TEX10: variants seen among roughly 807,000 people sequenced by gnomAD.
TEX10 encodes testis expressed 10, also known as testis-expressed protein 10.
In TEX10, 24 loss-of-function variants were observed where a neutral mutation model predicts 104.4. The observed-to-expected ratio is 0.23, with a 90% CI of 0.17 to 0.32. TEX10 has a LOEUF of 0.32. Among genes scored for constraint, TEX10 ranks in the 10% least tolerant of loss-of-function variants. The pLI is 1.00. For missense variants in TEX10, 921 were observed against 1,083.9 expected (o/e 0.85, Z 2.11); for synonymous variants, 396 against 393.4 (o/e 1.01, Z -0.08).
chr9:100,346,832 T>C lies in TEX10; in HGVS notation c.755A>G (p.Gln252Arg), dbSNP rs1446429448. The change falls in exon 3 of 15, where the codon CAG becomes CGG. Residue 252 changes from glutamine to arginine, a missense_variant. Gln to Arg is a conservative substitution (Grantham distance 43). Coordinates refer to ENST00000374902, the MANE Select transcript of TEX10 (RefSeq NM_017746.4). ...GGCATGGGGATTTTCTTTCTGTTCCTGAAGTCCTTCACTTTCTCTCAACCT... is the reference window on the plus strand; with the variant it reads ...GGCATGGGGATTTTCTTTCTGTTCCCGAAGTCCTTCACTTTCTCTCAACCT... ...SSRLRESEGL[Q>R]EQKENPHATS... 6.2e-7 allele frequency: 1 copy of C among 1,614,072 alleles called. No individual in the cohort carries two copies. Among genetic ancestry groups the C allele is most frequent in the African/African-American group, 1.3e-5 (1 of 74,940 alleles).
At chr9:100,314,062 T>C (rs1187178561) in intron 11 of TEX10, among the ~76,000 whole-genome samples, 1 of 150,356 alleles carries the variant, frequency 6.7e-6, no homozygotes, top group African/African-American at 2.5e-5. Context: ...CATCTGGTTC[T>C]GGGCTTTTTG....
chr9:100,326,227 TC>T (rs1834701286), intron 9 of TEX10, 74 bp downstream of exon 9: 1 of 1,499,712 alleles, frequency 6.7e-7, no homozygotes, highest in African/African-American at 1.4e-5. Flanking sequence ...TCAAAAGGCT[TC>T]CGTAATTCAC....
chr9:100,319,977 TTA>T (rs1304877697), intron 11 of TEX10, among the ~76,000 whole-genome samples: 42 of 152,332 alleles, frequency 2.8e-4, no homozygotes, highest in Non-Finnish European at 5.9e-4. Context: ...ATACCAACTC[TTA>T]CTTAAGTCTT....
chr9:100,324,158 G>T (rs757898000), intron 9 of TEX10, among the ~76,000 whole-genome samples: 2 of 151,926 alleles, frequency 1.3e-5, no homozygotes, highest in African/African-American at 2.4e-5. Context: ...TCAGCCTCCT[G>T]AGTAGCTGGG....
At chr9:100,347,553 G>T in intron 2 of TEX10, 147 bp from the exon 3 acceptor site, 1 of 550,252 alleles carries the variant, frequency 1.8e-6, no homozygotes, top group Non-Finnish European at 3.0e-6. Context: ...TTTAGCTTTT[G>T]TTAGGATCAG....
chr9:100,326,805 T>C (rs1834716840), intron 8 of TEX10, among the ~76,000 whole-genome samples: 1 of 152,124 alleles, frequency 6.6e-6, no homozygotes, highest in Admixed American at 6.5e-5. Context: ...ACAGTGACAA[T>C]TACATCAACC....
At chr9:100,307,302 T>C (rs1309569531) in intron 13 of TEX10, 1 of 152,234 alleles carries the variant, frequency 6.6e-6, no homozygotes, top group African/African-American at 2.4e-5. Context: ...AACACAATTA[T>C]ACTCATTTAT....
At chr9:100,331,265 AAAAT>A (rs1448332472) in intron 5 of TEX10, among the ~76,000 whole-genome samples, 4 of 152,124 alleles carry the variant, frequency 2.6e-5, no homozygotes, top group African/African-American at 7.2e-5. Flanking sequence ...CCATCTCAAA[AAAAT>A]AAATAAATAA....
chr9:100,325,026 A>C (rs1383224154), intron 9 of TEX10, among the ~76,000 whole-genome samples: 2 of 152,206 alleles, frequency 1.3e-5, no homozygotes, highest in Non-Finnish European at 2.9e-5. Context: ...TAAAATTTTT[A>C]AATACAAACA....
In TEX10 at chr9:100,327,854, A is replaced by T; in HGVS notation, c.1734T>A (p.His578Gln). 2.5e-6 allele frequency: 4 copies of T among 1,607,910 alleles called. No homozygotes were observed. The highest frequency in any genetic ancestry group is 3.4e-6 in the Non-Finnish European group (4 of 1,175,680). ...ELSTQLIDII[H>Q]TAAARANKEL... ...CTTTATTTGCTCGTGCTGCAGCGGT[A>T]TGAATGATATCGATAAGCTGTGTAG... The change falls in exon 8 of 15, where the codon CAT becomes CAA. Residue 578 changes from histidine to glutamine, a missense_variant. Around this residue, in one of 3 missense-constraint regions of TEX10, gnomAD observed 753 missense variants for 868.4 expected, o/e 0.87. Coordinates refer to ENST00000374902, the MANE Select transcript of TEX10 (RefSeq NM_017746.4).
Position 100,347,209 on chromosome 9 carries a change from G to A in TEX10, c.378C>T (p.Ala126=). 1.9e-6 allele frequency: 3 copies of A among 1,613,990 alleles called. No individual in the cohort carries two copies. The highest frequency in any genetic ancestry group is 2.2e-5 in the East Asian group (1 of 44,872). The change falls in exon 3 of 15, where the codon GCC becomes GCT. Residue 126 remains alanine, a synonymous_variant. Coordinates refer to ENST00000374902, the MANE Select transcript of TEX10 (RefSeq NM_017746.4). ...AAATTTGTTCAGCTCGTATTTTGGG[G>A]GCCAGGAATTGAAGAAGTTGAACTG... ...LAAVQLLQFL[A]PKIRAEQISP...
chr9:100,306,137 TAGG>T lies in TEX10; in HGVS notation c.2466-2298_2466-2296del, dbSNP rs1302877214. ...AAAAGTTGATGAAATAAAATCTCAG[TAGG>T]AGGATTAAGTAAAAGAATTAGCAAA... On this transcript the variant is annotated intron_variant, in intron 13 of 14. Coordinates refer to ENST00000374902, the MANE Select transcript of TEX10 (RefSeq NM_017746.4). 5 of 151,876 alleles carry T rather than the reference TAGG, an allele frequency of 3.3e-5. 1 individual carries two copies. The South Asian group carries it at 6.2e-4, about 19-fold the overall frequency. The allele number at this position is 151,876 out of a possible 1,614,324, so 9.4% of individuals were successfully genotyped here.
intron 1 of TEX10, 101 bp from the exon 2 acceptor site, chr9:100,349,473 C>A: frequency 1.5e-6 from 1 of 679,830 alleles, no homozygotes; most frequent in Non-Finnish European, 2.2e-6. Context: ...TTATTTCAAT[C>A]GTAATCAAGA....
At position 100,302,116 on chromosome 9, in the gene TEX10, C is replaced by G. The variant is rs1833993851; in HGVS notation, c.*75G>C. ...AAAGTTCAGCTTTAATGACAAAGAT[C>G]TATTACATCAGTCTTTTTCTTCAAA... On this transcript the variant is annotated 3_prime_UTR_variant, in exon 15 of 15. Transcript: ENST00000374902. 4.7e-6 allele frequency: 4 copies of G among 856,340 alleles called. No individual in the cohort carries two copies. The South Asian group carries it at 1.1e-4, about 23-fold the overall frequency. 53.0% of individuals were successfully genotyped at this position (856,340 alleles called of 1,614,324 possible).
In TEX10 at chr9:100,346,318, A is replaced by T; in HGVS notation, c.894-3T>A. The T allele has an allele frequency of 3.1e-6, 5 of 1,605,630 alleles. No homozygotes were observed. Among genetic ancestry groups the T allele is most frequent in the Non-Finnish European group, 4.2e-6 (5 of 1,176,918 alleles). On this transcript the variant is annotated splice_region_variant and splice_polypyrimidine_tract_variant and intron_variant, in intron 3 of 14. Transcript: ENST00000374902. ...CACTCAGTCCTCCAACCAGATACCT[A>T]ATAAGGGTAAGAAAGAAAAAAATTA...
chr9:100,347,510 G>A (rs1587745210), intron 2 of TEX10, 104 bp from the exon 3 acceptor site: 1 of 822,182 alleles, frequency 1.2e-6, no homozygotes, highest in Admixed American at 3.0e-5. Context: ...ACTCCTTGGG[G>A]AAACTGCTTC....
chr9:100,349,274 A>C lies in TEX10; in HGVS notation c.90T>G (p.Pro30=). 2 of 1,608,300 alleles carry C rather than the reference A, an allele frequency of 1.2e-6. No homozygotes were observed. Among genetic ancestry groups the C allele is most frequent in the South Asian group, 2.3e-5 (2 of 88,696 alleles). ...GTATAGTCTTTGTTTTAAAGTTTGTAGGAGTAGCATTTTGTAACTTGGGCT... is the reference window on the plus strand; with the variant it reads ...GTATAGTCTTTGTTTTAAAGTTTGTCGGAGTAGCATTTTGTAACTTGGGCT... ...KKKPKLQNAT[P]TNFKTKTIHL... Residue 30 remains proline, a synonymous_variant, in exon 2 of 15, where the codon CCT becomes CCG. Coordinates refer to ENST00000374902, the MANE Select transcript of TEX10 (RefSeq NM_017746.4).
Position 100,316,031 on chromosome 9 carries a change from A to G in TEX10, c.2202+4234T>C, listed in dbSNP as rs1000124424. Among the ~76,000 whole-genome samples the G allele has an allele frequency of 2.6e-5, 4 of 152,356 alleles. No homozygotes were observed. The South Asian group carries it at 8.3e-4, about 32-fold the overall frequency. On this transcript the variant is annotated intron_variant, in intron 11 of 14. Transcript: ENST00000374902. ...ATCTTTCTTCCCCTTGGGAATACCA[A>G]TAATTCATAAGCTTAGTCACTTTAC...
chr9:100,314,776 A>T (rs780336958), intron 11 of TEX10, among the ~76,000 whole-genome samples: 7 of 151,928 alleles, frequency 4.6e-5, no homozygotes, highest in Non-Finnish European at 8.8e-5. Context: ...GTTTGTTCTT[A>T]CTTTTCTAGT....
Sources: allele counts gnomAD v4.1 joint callset (sites outside exome capture counted in the v4.1 genomes callset), GRCh38; gene constraint gnomAD v4.1.1; regional missense constraint gnomAD v4.1.1; transcripts MANE v1.5; gene names NCBI Gene and HGNC (gene_info 2026-07-23, HGNC 2026-07-21).